CNTN5: variants seen among roughly 807,000 people sequenced by gnomAD.
CNTN5 encodes contactin 5.
A neutral mutation model predicts 129.1 loss-of-function variants in CNTN5; 77 were observed. The ratio of observed to expected loss-of-function variants is 0.60; its 90% CI spans 0.50 to 0.72. The LOEUF is 0.72. Ranked by LOEUF, CNTN5 falls within the 30% of genes least tolerant of loss-of-function variation. The pLI is 0.00. For synonymous variants in CNTN5, 509 were observed against 465.6 expected (o/e 1.09, Z -1.20); for missense variants, 1,478 against 1,328.8 (o/e 1.11, Z -1.75).
chr11:99,476,368 T>C (rs1247741504), intron 2 of CNTN5, among the ~76,000 whole-genome samples: 1 of 152,146 alleles, frequency 6.6e-6, no homozygotes, highest in African/African-American at 2.4e-5. Context: ...ACACTTTCAT[T>C]ACTTAGAATT....
intron 16 of CNTN5, among the ~76,000 whole-genome samples, chr11:100,240,236 C>G (rs1949710039): frequency 6.6e-6 from 1 of 151,994 alleles, no homozygotes; most frequent in Non-Finnish European, 1.5e-5. Flanking sequence ...CCCACACCCC[C>G]CGACCCCCGC....
chr11:99,327,563 A>G (rs1038083092), intron 2 of CNTN5, among the ~76,000 whole-genome samples: 6 of 152,198 alleles, frequency 3.9e-5, no homozygotes, highest in Admixed American at 3.9e-4. Flanking sequence ...CTTCCAACTA[A>G]TTGAAAAGCA....
chr11:99,753,119 C>CTTTTTTTGTT (rs1944288809), intron 3 of CNTN5, among the ~76,000 whole-genome samples: 1 of 93,110 alleles, frequency 1.1e-5, no homozygotes. Flanking sequence ...GCCATATTTG[C>CTTTTTTTGTT]TTTTTTTTTT....
intron 6 of CNTN5, among the ~76,000 whole-genome samples, chr11:99,902,223 A>G (rs1009933494): frequency 6.7e-6 from 1 of 149,356 alleles, no homozygotes; most frequent in Non-Finnish European, 1.5e-5. Context: ...CTGTTTTTGT[A>G]CAGCCCGCAA....
At chr11:99,744,063 A>G (rs538747509) in intron 3 of CNTN5, among the ~76,000 whole-genome samples, 1 of 152,292 alleles carries the variant, frequency 6.6e-6, no homozygotes, top group Admixed American at 6.5e-5. Context: ...ATGTTGCCAT[A>G]TTGGAAATGG....
At chr11:99,917,227 C>T (rs1044461798) in intron 7 of CNTN5, among the ~76,000 whole-genome samples, 3 of 151,994 alleles carry the variant, frequency 2.0e-5, no homozygotes, top group Non-Finnish European at 1.5e-5. Context: ...AGTTGTACCC[C>T]TCCAATTGTT....
Position 99,582,446 on chromosome 11 carries a change from G to A in CNTN5, c.55+26177G>A, listed in dbSNP as rs57486640. Among the ~76,000 whole-genome samples, 914 of 152,200 alleles carry A rather than the reference G, an allele frequency of 6.0e-3. 9 individuals carry two copies. The highest frequency in any genetic ancestry group is 0.02 in the African/African-American group (843 of 41,542). On this transcript the variant is annotated intron_variant, in intron 3 of 24. Transcript: ENST00000524871. ...TTTCCAACTTGGCTCCATTCTCCCC[G>A]TCACTTTCAGGTACACCAATTAGAC...
At chr11:99,074,398 A>G (rs967176387) in intron 1 of CNTN5, among the ~76,000 whole-genome samples, 1 of 152,164 alleles carries the variant, frequency 6.6e-6, no homozygotes, top group African/African-American at 2.4e-5. Context: ...CAATTAGTCA[A>G]TTTTGGCTTT....
rs148689325 is a variant in CNTN5 at position 99,502,942 on chromosome 11, G to C, written c.-70-53203G>C. 4.5e-4 allele frequency among the ~76,000 whole-genome samples: 68 copies of C among 152,150 alleles called. 2 individuals are homozygous for C. Among genetic ancestry groups the C allele is most frequent in the African/African-American group, 1.5e-3 (63 of 41,528 alleles). The stretch of plus-strand genomic sequence containing the variant: ...AATGACATCATATTTCAGTCATTCT[G>C]CATGGCTAGAAAATTAGGAATTATC... On this transcript the variant is annotated intron_variant, in intron 2 of 24. Transcript: ENST00000524871.
rs184037438 is a variant in CNTN5, at chr11:100,215,484, C to G, written c.1885-9208C>G. Among the ~76,000 whole-genome samples, 3 of 152,202 alleles carry G rather than the reference C, an allele frequency of 2.0e-5. No homozygotes were observed. The East Asian group carries it at 5.8e-4, about 29-fold the overall frequency. ...ACAACACTGCATACAAGTAGTGTTA[C>G]CATAAAGCACAGCAACTAATGCAGT... On this transcript the variant is annotated intron_variant, in intron 15 of 24. Transcript: ENST00000524871.
At chr11:99,312,714 T>C (rs1319384199) in intron 1 of CNTN5, among the ~76,000 whole-genome samples, 3 of 152,106 alleles carry the variant, frequency 2.0e-5, no homozygotes, top group African/African-American at 7.2e-5. Context: ...TTCTGCAACA[T>C]TTTAGTAAGT....
chr11:99,337,567 C>T (rs1190401153), intron 2 of CNTN5, among the ~76,000 whole-genome samples: 1 of 152,196 alleles, frequency 6.6e-6, no homozygotes, highest in Non-Finnish European at 1.5e-5. Context: ...GTTTTCTGCC[C>T]TGGACGGACC....
chr11:99,929,170 G>T (rs1444157284), intron 7 of CNTN5, among the ~76,000 whole-genome samples: 10 of 152,122 alleles, frequency 6.6e-5, no homozygotes, highest in Admixed American at 5.9e-4. Flanking sequence ...ACCTCAGCCT[G>T]GACTTCATTG....
chr11:100,226,755 T>A (rs572995218), intron 16 of CNTN5, among the ~76,000 whole-genome samples: 1 of 152,260 alleles, frequency 6.6e-6, no homozygotes, highest in Non-Finnish European at 1.5e-5. Context: ...GAGTTCTGGT[T>A]CTCTTTTAAA....
At chr11:99,201,567 G>A (rs551562714) in intron 1 of CNTN5, among the ~76,000 whole-genome samples, 39 of 152,210 alleles carry the variant, frequency 2.6e-4, no homozygotes, top group African/African-American at 8.4e-4. Flanking sequence ...GGTTGTGGAT[G>A]GATTTGGTGA....
At chr11:100,337,379 C>A in intron 21 of CNTN5, 1 of 794,700 alleles carries the variant, frequency 1.3e-6, no homozygotes, top group Non-Finnish European at 2.3e-6. Context: ...AGCCAGCCCT[C>A]AGCAGAGAGA....
chr11:99,325,896 T>A (rs1462754957), intron 2 of CNTN5, among the ~76,000 whole-genome samples: 1 of 152,182 alleles, frequency 6.6e-6, no homozygotes, highest in Non-Finnish European at 1.5e-5. Flanking sequence ...GCTTTTTGTA[T>A]GTGCTCGAAT....
At chr11:100,351,487 A>G (rs1435924903) in intron 24 of CNTN5, among the ~76,000 whole-genome samples, 1 of 151,294 alleles carries the variant, frequency 6.6e-6, no homozygotes, top group African/African-American at 2.4e-5. Flanking sequence ...TAACTTGCCT[A>G]AGACCACACT....
chr11:99,780,479 A>C (rs1448089989), intron 3 of CNTN5, among the ~76,000 whole-genome samples: 1 of 152,060 alleles, frequency 6.6e-6, no homozygotes, highest in Non-Finnish European at 1.5e-5. Context: ...GTTGAGAATA[A>C]ATAAGTGAAT....
Sources: allele counts gnomAD v4.1 joint callset (sites outside exome capture counted in the v4.1 genomes callset), GRCh38; gene constraint gnomAD v4.1.1; transcripts MANE v1.5; gene names NCBI Gene and HGNC (gene_info 2026-07-23, HGNC 2026-07-21).